CCSER1: variants seen among roughly 807,000 people sequenced by gnomAD.
CCSER1 encodes serine-rich coiled-coil domain-containing protein 1.
Under a neutral mutation model 82.0 loss-of-function variants are expected in CCSER1, and 41 were observed. That is an observed-to-expected ratio of 0.50 (90% CI 0.39 to 0.65). The LOEUF is 0.65. CCSER1 is among the 30% of genes least tolerant of loss of function. CCSER1 has a pLI of 0.00. For missense variants in CCSER1, 1,119 were observed against 1,064.2 expected, an observed-to-expected ratio of 1.05 and a Z score of -0.72; for synonymous variants, 414 against 383.9, an observed-to-expected ratio of 1.08 and a Z score of -0.92.
At chr4:91,002,645 T>C (rs1337359832) in intron 9 of CCSER1, among the ~76,000 whole-genome samples, 1 of 152,282 alleles carries the variant, frequency 6.6e-6, no homozygotes, top group East Asian at 1.9e-4. Context: ...ATTTTTCCCT[T>C]CGCTTCTTGT....
rs758068660 is a variant in CCSER1, at chr4:90,835,563, C to T, written c.2094+19718C>T. On this transcript the variant is annotated intron_variant, in intron 8 of 10. Transcript: ENST00000509176. ...GCTATATGTTTAGAATCACTGTGTG[C>T]TGTTCATACATGGGATTTGCCCCCT... is the stretch of plus-strand genomic sequence containing the variant. Among the ~76,000 whole-genome samples the T allele has an allele frequency of 3.3e-4, 50 of 152,188 alleles. No homozygotes were observed. The Middle Eastern group carries it at 0.01, about 31-fold the overall frequency.
chr4:90,710,057 G>A (rs145619943), intron 6 of CCSER1, among the ~76,000 whole-genome samples: 5 of 148,544 alleles, frequency 3.4e-5, no homozygotes, highest in Admixed American at 2.0e-4. Flanking sequence ...GAGCTTTTTT[G>A]TTTGTTTGTT....
chr4:91,155,382 C>T (rs1316651957), intron 10 of CCSER1, among the ~76,000 whole-genome samples: 2 of 151,886 alleles, frequency 1.3e-5, no homozygotes, highest in Non-Finnish European at 2.9e-5. Flanking sequence ...GAGCCCTCCC[C>T]AGCCATGTGG....
chr4:91,373,138 CAT>C (rs1357563972), intron 10 of CCSER1, among the ~76,000 whole-genome samples: 2 of 151,336 alleles, frequency 1.3e-5, no homozygotes, highest in Non-Finnish European at 2.9e-5. Flanking sequence ...CATGTTTAAA[CAT>C]ACTTTTTTTT....
rs895041543 is a variant in CCSER1, at chr4:91,246,808, TCATACACA to T, written c.2217+160833_2217+160840del. Among the ~76,000 whole-genome samples, 24 of 134,854 alleles carry T rather than the reference TCATACACA, an allele frequency of 1.8e-4. No homozygotes were observed. The South Asian group carries it at 2.5e-3, about 14-fold the overall frequency. 88.5% of individuals were successfully genotyped at this position (134,854 alleles called of 152,430 possible). On this transcript the variant is annotated intron_variant, in intron 10 of 10. Transcript: ENST00000509176. ...CTCAGAAAATTTAAAAAAAGGCATCTCATACACACATACACACATACACACACACACAC... is the reference window on the plus strand; with the variant it reads ...CTCAGAAAATTTAAAAAAAGGCATCTCATACACACATACACACACACACAC...
At chr4:91,574,798 C>T (rs1311268056) in intron 10 of CCSER1, among the ~76,000 whole-genome samples, 1 of 151,806 alleles carries the variant, frequency 6.6e-6, no homozygotes, top group East Asian at 1.9e-4. Flanking sequence ...ATGCTCATTA[C>T]GTGGATTATG....
intron 5 of CCSER1, among the ~76,000 whole-genome samples, chr4:90,494,454 G>C (rs1768649282): frequency 6.6e-6 from 1 of 152,120 alleles, no homozygotes; most frequent in Non-Finnish European, 1.5e-5. Context: ...CAAATCAACA[G>C]AATATACATT....
chr4:90,431,592 C>A (rs546752601), intron 4 of CCSER1, among the ~76,000 whole-genome samples: 2 of 152,134 alleles, frequency 1.3e-5, no homozygotes, highest in African/African-American at 2.4e-5. Context: ...ATTTAGAAAT[C>A]TTTCTGTAGC....
rs1319938687 is a variant in CCSER1 at position 90,228,684 on chromosome 4, G to A, written c.-41-79560G>A. On this transcript the variant is annotated intron_variant, in intron 1 of 10. Transcript: ENST00000509176. ...GATCAAATTACTCCGAGCTACAGGA[G>A]GAAATTCAAACCAAAGGCAAAGAAG... Among the ~76,000 whole-genome samples the A allele has an allele frequency of 2.0e-5, 3 of 152,234 alleles. No homozygotes were observed. In the South Asian group the frequency reaches 6.2e-4, roughly 32 times the overall value.
chr4:90,339,401 T>C (rs887605176), intron 3 of CCSER1, among the ~76,000 whole-genome samples: 1 of 152,168 alleles, frequency 6.6e-6, no homozygotes, highest in Non-Finnish European at 1.5e-5. Context: ...CAATTGATCC[T>C]TTTAATATCT....
chr4:90,911,214 C>CA (rs1248623233), intron 8 of CCSER1: 4 of 431,690 alleles, frequency 9.3e-6, no homozygotes, highest in African/African-American at 2.1e-5. Flanking sequence ...TTTTCTACAA[C>CA]AAAAAAATTA....
intron 10 of CCSER1, among the ~76,000 whole-genome samples, chr4:91,375,059 A>G (rs1207346394): frequency 6.6e-6 from 1 of 152,184 alleles, no homozygotes; most frequent in African/African-American, 2.4e-5. Flanking sequence ...TCTGTTAGAC[A>G]TGGTAAAAGT....
At chr4:91,577,256 A>G (rs1020180761) in intron 10 of CCSER1, among the ~76,000 whole-genome samples, 1 of 151,922 alleles carries the variant, frequency 6.6e-6, no homozygotes, top group African/African-American at 2.4e-5. Context: ...TATTGTGTCT[A>G]TGCTAAGCCA....
In CCSER1 at chr4:90,309,256, T is replaced by C. The variant is rs34445159; in HGVS notation, c.972T>C (p.Tyr324=). ...VPCAIMSPGK[Y]RLEGQCSTES... ...GTGCAATTATGTCTCCTGGGAAATA[T>C]AGGTTAGAGGGTCAATGTAGCACTG... Residue 324 remains tyrosine (Y), a synonymous_variant, in exon 2 of 11, where the codon TAT becomes TAC. Transcript: ENST00000509176. The C allele has an allele frequency of 9.0e-4, 1,459 of 1,613,876 alleles. 15 individuals carry two copies. The African/African-American group carries it at 0.017, about 19-fold the overall frequency.
intron 1 of CCSER1, among the ~76,000 whole-genome samples, chr4:90,160,879 C>T (rs1485237694): frequency 6.6e-6 from 1 of 152,140 alleles, no homozygotes. Flanking sequence ...AATCTCAGTA[C>T]TCTCAGCCAA....
At chr4:91,077,371 A>G (rs960635874) in intron 9 of CCSER1, among the ~76,000 whole-genome samples, 2 of 152,208 alleles carry the variant, frequency 1.3e-5, no homozygotes, top group African/African-American at 4.8e-5. Flanking sequence ...ATGTAACACT[A>G]AATAAAATAA....
At chr4:91,347,645 TC>T (rs1243693098) in intron 10 of CCSER1, among the ~76,000 whole-genome samples, 4 of 152,060 alleles carry the variant, frequency 2.6e-5, no homozygotes, top group African/African-American at 4.8e-5. Context: ...TTGATTTTTT[TC>T]ATCAGAATAT....
chr4:90,258,423 A>C (rs1723734600), intron 1 of CCSER1, among the ~76,000 whole-genome samples: 1 of 152,128 alleles, frequency 6.6e-6, no homozygotes, highest in Non-Finnish European at 1.5e-5. Flanking sequence ...GAGGCAGGAG[A>C]ATCACTTGAA....
Position 91,598,707 on chromosome 4 carries a change from C to A in CCSER1, c.2353C>A (p.Leu785Ile). 6.4e-7 allele frequency: 1 copy of A among 1,551,480 alleles called. No homozygotes were observed. Among genetic ancestry groups the A allele is most frequent in the South Asian group, 1.2e-5 (1 of 84,052 alleles). The change falls in exon 11 of 11, where the codon CTC becomes ATC. Residue 785 changes from leucine to isoleucine, a missense_variant. Transcript: ENST00000509176. ...TSPYKNKTCQ[L>I]PSLCLSNFLK... ...CCCCTACAAAAACAAGACCTGTCAA[C>A]TCCCAAGTCTCTGTTTAAGTAATTT... is the stretch of plus-strand genomic sequence containing the variant.
Sources: gnomAD v4.1 joint callset for allele counts (sites outside exome capture counted in the v4.1 genomes callset) on GRCh38, gnomAD v4.1.1 for gene constraint, MANE v1.5 for transcripts, NCBI Gene and HGNC (gene_info 2026-07-23, HGNC 2026-07-21) for gene names.